PRUNE2: variants seen among roughly 807,000 people sequenced by gnomAD.
PRUNE2 encodes protein prune homolog 2.
PRUNE2 carries 164 observed loss-of-function variants against 252.0 expected under a neutral mutation model. The ratio of observed to expected loss-of-function variants is 0.65; its 90% CI spans 0.57 to 0.74. The LOEUF (loss-of-function observed/expected upper bound fraction) is 0.74. Ranked by LOEUF, PRUNE2 falls within the 30% of genes least tolerant of loss-of-function variation. PRUNE2 has a pLI of 0.00. For synonymous variants in PRUNE2, 1,292 were observed against 1,350.2 expected, an observed-to-expected ratio of 0.96 and a Z score of 0.94; for missense variants, 3,495 against 3,711.0, an observed-to-expected ratio of 0.94 and a Z score of 1.51.
intron 9 of PRUNE2, among the ~76,000 whole-genome samples, chr9:76,658,840 T>C (rs1260943441): frequency 1.3e-5 from 2 of 152,240 alleles, no homozygotes; most frequent in African/African-American, 2.4e-5. Context: ...CCATGTGTGT[T>C]AGAAGATCAA....
intron 1 of PRUNE2, among the ~76,000 whole-genome samples, chr9:76,858,758 T>TTA (rs1338220918): frequency 8.1e-6 from 1 of 123,372 alleles, no homozygotes; most frequent in Admixed American, 8.3e-5. Flanking sequence ...AAGGTATAAT[T>TTA]AAAAAAAAAA....
At chr9:76,832,074 A>G (rs1327576265) in intron 4 of PRUNE2, among the ~76,000 whole-genome samples, 3 of 152,194 alleles carry the variant, frequency 2.0e-5, no homozygotes, top group Non-Finnish European at 4.4e-5. Context: ...CATCAATTCT[A>G]AATTTGTATG....
At position 76,710,790 on chromosome 9, in the gene PRUNE2, T is replaced by C. The variant is rs1564123375; in HGVS notation, c.1484A>G (p.Asn495Ser). ...AGAAGCCATGGGTGCTGGGTCAAAATTGAAGAGGTCGAAGTGCTCACCGTG... is the reference window on the plus strand; with the variant it reads ...AGAAGCCATGGGTGCTGGGTCAAAACTGAAGAGGTCGAAGTGCTCACCGTG... ...GEHGEHFDLF[N>S]FDPAPMASGQ... is the part of the protein sequence containing the mutation. The change falls in exon 8 of 19, where the codon AAT becomes AGT. Residue 495 changes from asparagine to serine, a missense_variant. Asn to Ser is a conservative substitution (Grantham distance 46, BLOSUM62 1). Coordinates refer to ENST00000376718, the MANE Select transcript of PRUNE2 (RefSeq NM_015225.3). 3 of 1,590,252 alleles carry C rather than the reference T, an allele frequency of 1.9e-6. No individual in the cohort carries two copies. Among genetic ancestry groups the C allele is most frequent in the Non-Finnish European group, 2.6e-6 (3 of 1,169,992 alleles).
chr9:76,836,915 A>T (rs2059016201), intron 4 of PRUNE2, among the ~76,000 whole-genome samples: 1 of 152,206 alleles, frequency 6.6e-6, no homozygotes, highest in Non-Finnish European at 1.5e-5. Flanking sequence ...TATACAAATG[A>T]TCTTTTTAAC....
intron 1 of PRUNE2, among the ~76,000 whole-genome samples, chr9:76,876,702 C>T (rs569067530): frequency 1.3e-4 from 20 of 152,112 alleles, no homozygotes; most frequent in African/African-American, 3.9e-4. Context: ...TTTCTAATAC[C>T]GCTGCTAGCC....
intron 12 of PRUNE2, among the ~76,000 whole-genome samples, chr9:76,643,170 G>A (rs146850753): frequency 7.2e-4 from 109 of 152,232 alleles, no homozygotes; most frequent in African/African-American, 2.4e-3. Flanking sequence ...CCCACCTAAA[G>A]AACAAGCAGG....
intron 9 of PRUNE2, among the ~76,000 whole-genome samples, chr9:76,664,227 G>A (rs10869794): frequency 0.013 from 1,932 of 152,288 alleles, 44 homozygotes; most frequent in African/African-American, 0.043. Context: ...CAGTCTGGGA[G>A]AAACCAGCTA....
intron 4 of PRUNE2, among the ~76,000 whole-genome samples, chr9:76,830,663 A>C (rs912371068): frequency 6.6e-6 from 1 of 151,744 alleles, no homozygotes; most frequent in Non-Finnish European, 1.5e-5. Context: ...AAAACAAAAA[A>C]AGAAAAAAAA....
Position 76,612,439 on chromosome 9 carries a change from T to C in PRUNE2, c.*2131A>G, listed in dbSNP as rs919123743. 4 of 152,158 alleles carry C rather than the reference T, an allele frequency of 2.6e-5. No homozygotes were observed. The highest frequency in any genetic ancestry group is 5.9e-5 in the Non-Finnish European group (4 of 68,030). The allele number at this position is 152,158 out of a possible 1,614,324, so 9.4% of individuals were successfully genotyped here. Reference sequence around the variant, plus strand: ...ATTACTTCCTGTGACAGGGTGACCATGGAATTCATTTTACAAAATGGGATG... The same window carrying C: ...ATTACTTCCTGTGACAGGGTGACCACGGAATTCATTTTACAAAATGGGATG... On this transcript the variant is annotated 3_prime_UTR_variant, in exon 19 of 19. Coordinates refer to ENST00000376718, the MANE Select transcript of PRUNE2 (RefSeq NM_015225.3).
chr9:76,748,361 G>A (rs1462876533), intron 6 of PRUNE2, among the ~76,000 whole-genome samples: 1 of 152,180 alleles, frequency 6.6e-6, no homozygotes, highest in Non-Finnish European at 1.5e-5. Flanking sequence ...CAGATTGTCT[G>A]GAGGAGACTG....
At chr9:76,815,520 C>A (rs991774553) in intron 6 of PRUNE2, among the ~76,000 whole-genome samples, 13 of 152,160 alleles carry the variant, frequency 8.5e-5, no homozygotes, top group African/African-American at 3.1e-4. Context: ...GGCACTCATG[C>A]ATTCATGAGA....
chr9:76,791,117 C>A (rs1343310419), intron 6 of PRUNE2, among the ~76,000 whole-genome samples: 1 of 152,220 alleles, frequency 6.6e-6, no homozygotes, highest in African/African-American at 2.4e-5. Flanking sequence ...AGGGCACAAA[C>A]TTTCAGCTAT....
At chr9:76,682,004 C>T (rs968979616) in intron 9 of PRUNE2, among the ~76,000 whole-genome samples, 1 of 152,010 alleles carries the variant, frequency 6.6e-6, no homozygotes, top group Non-Finnish European at 1.5e-5. Flanking sequence ...TTAGGAGGAA[C>T]TCTGAGAGTC....
chr9:76,744,713 CCT>C (rs952747813), intron 6 of PRUNE2, among the ~76,000 whole-genome samples: 34 of 152,130 alleles, frequency 2.2e-4, no homozygotes, highest in African/African-American at 7.7e-4. Flanking sequence ...ACTCTGAGCC[CCT>C]GTTTGTTTAA....
At chr9:76,766,805 T>G (rs954141299) in intron 6 of PRUNE2, among the ~76,000 whole-genome samples, 2 of 152,180 alleles carry the variant, frequency 1.3e-5, no homozygotes, top group Non-Finnish European at 2.9e-5. Context: ...AGTCCAAACA[T>G]CACTTTCTCT....
rs144753332 is a variant in PRUNE2 at position 76,876,347 on chromosome 9, A to G, written c.37-22139T>C. ...CTGCAAGGAAAAGCATTCCATGTCC[A>G]TGACCCACAATGCTAGAGGCACTGA... On this transcript the variant is annotated intron_variant, in intron 1 of 18. Coordinates refer to ENST00000376718, the MANE Select transcript of PRUNE2 (RefSeq NM_015225.3). 4.1e-3 allele frequency among the ~76,000 whole-genome samples: 624 copies of G among 152,270 alleles called. 3 individuals are homozygous for G. Among genetic ancestry groups the G allele is most frequent in the African/African-American group, 0.014 (591 of 41,542 alleles).
At chr9:76,674,575 T>C (rs1355732420) in intron 9 of PRUNE2, among the ~76,000 whole-genome samples, 4 of 151,694 alleles carry the variant, frequency 2.6e-5, no homozygotes, top group African/African-American at 4.8e-5. Context: ...TTAAAGTTCA[T>C]ATGGAACCAA....
At chr9:76,632,598 C>A (rs1469352372) in intron 15 of PRUNE2, among the ~76,000 whole-genome samples, 1 of 152,174 alleles carries the variant, frequency 6.6e-6, no homozygotes, top group Non-Finnish European at 1.5e-5. Flanking sequence ...CACTCTGTCA[C>A]CCAGGCTGGA....
chr9:76,731,716 C>T (rs912739281), intron 6 of PRUNE2, among the ~76,000 whole-genome samples: 2 of 152,100 alleles, frequency 1.3e-5, no homozygotes, highest in African/African-American at 4.8e-5. Context: ...GAAAAATGTA[C>T]ACCTCATTGG....
Sources: allele counts gnomAD v4.1 joint callset (sites outside exome capture counted in the v4.1 genomes callset), GRCh38; gene constraint gnomAD v4.1.1; transcripts MANE v1.5; gene names NCBI Gene and HGNC (gene_info 2026-07-23, HGNC 2026-07-21).